The following FAM193B variants were observed in gnomAD, a reference collection of about 807,000 sequenced individuals.
FAM193B encodes protein FAM193B.
A neutral mutation model predicts 70.7 loss-of-function variants in FAM193B; 27 were observed. That is an observed-to-expected ratio of 0.38 (90% CI 0.28 to 0.53). The LOEUF is 0.53. Among genes scored for constraint, FAM193B ranks in the 20% least tolerant of loss-of-function variants. FAM193B has a pLI of 0.81. For missense variants in FAM193B, 1,022 were observed against 1,072.5 expected, an observed-to-expected ratio of 0.95 and a Z score of 0.66; for synonymous variants, 448 against 436.0, an observed-to-expected ratio of 1.03 and a Z score of -0.34.
chr5:177,543,861 A>T (rs1459341764), intron 1 of FAM193B, among the ~76,000 whole-genome samples: 1 of 152,262 alleles, frequency 6.6e-6, no homozygotes, highest in Non-Finnish European at 1.5e-5. Flanking sequence ...CTGGCACAGT[A>T]TTCCTACACA....
chr5:177,552,693 G>A (rs902468769), intron 1 of FAM193B, among the ~76,000 whole-genome samples: 1 of 152,232 alleles, frequency 6.6e-6, no homozygotes, highest in Admixed American at 6.5e-5. Flanking sequence ...GACCCAGTAG[G>A]GGTTGGGGGT....
intron 1 of FAM193B, among the ~76,000 whole-genome samples, chr5:177,549,430 T>A (rs547083371): frequency 6.6e-6 from 1 of 152,248 alleles, no homozygotes; most frequent in African/African-American, 2.4e-5. Context: ...CCTGACCTCG[T>A]GATCCTCCCG....
chr5:177,521,047 G>A (rs923661182), intron 8 of FAM193B, among the ~76,000 whole-genome samples: 5 of 152,164 alleles, frequency 3.3e-5, no homozygotes, highest in South Asian at 2.1e-4. Context: ...CTGGAAAGAG[G>A]AGAAAGACAG....
intron 3 of FAM193B, among the ~76,000 whole-genome samples, chr5:177,536,969 C>T (rs370271546): frequency 1.3e-5 from 2 of 152,212 alleles, no homozygotes; most frequent in African/African-American, 2.4e-5. Context: ...GCTGATTCCA[C>T]ACAAGGCCCC....
At chr5:177,537,558 T>C (rs191975903) in intron 3 of FAM193B, among the ~76,000 whole-genome samples, 63 of 152,312 alleles carry the variant, frequency 4.1e-4, no homozygotes, top group Non-Finnish European at 7.1e-4. Context: ...GGTCAGGTGA[T>C]CTAAGTCCTA....
intron 4 of FAM193B, among the ~76,000 whole-genome samples, chr5:177,533,077 A>G (rs141578911): frequency 2.0e-3 from 304 of 152,344 alleles, no homozygotes; most frequent in African/African-American, 7.0e-3. Context: ...CAGGTGCTCA[A>G]TAAATAGGCC....
In FAM193B at chr5:177,523,875, G is replaced by A. The variant is rs1762155677; in HGVS notation, c.2372+82C>T. 3.3e-6 allele frequency: 5 copies of A among 1,501,792 alleles called. No individual in the cohort carries two copies. In the East Asian group the frequency reaches 1.1e-4, roughly 34 times the overall value. The allele number at this position is 1,501,792 out of a possible 1,614,324, so 93.0% of individuals were successfully genotyped here. ...GGGCCAAGGGAGCAGGCCTTTCTGAGGCTTGAGGCACAACACAGGGCTTGA... is the reference window on the plus strand; with the variant it reads ...GGGCCAAGGGAGCAGGCCTTTCTGAAGCTTGAGGCACAACACAGGGCTTGA... On this transcript the variant is annotated intron_variant, in intron 7 of 8. Transcript: ENST00000514747.
chr5:177,550,657 T>C (rs1311428530), intron 1 of FAM193B, among the ~76,000 whole-genome samples: 2 of 152,104 alleles, frequency 1.3e-5, no homozygotes, highest in African/African-American at 4.8e-5. Flanking sequence ...GCTTATTGAG[T>C]GTACACTGGA....
At chr5:177,549,652 T>C (rs1272129440) in intron 1 of FAM193B, among the ~76,000 whole-genome samples, 5 of 152,262 alleles carry the variant, frequency 3.3e-5, no homozygotes, top group South Asian at 2.1e-4. Context: ...CTCTAGACTA[T>C]GAGCCCCTTG....
Position 177,532,560 on chromosome 5 carries a change from C to T in FAM193B, c.1158G>A (p.Gly386=). Residue 386 remains glycine, a synonymous_variant, in exon 5 of 9, where the codon GGG becomes GGA. Coordinates refer to ENST00000514747, the MANE Select transcript of FAM193B (RefSeq NM_001190946.3). The surrounding 1 kb of genome is among the most constrained non-coding windows in gnomAD (Gnocchi z 4.9). ...QLPQPCEADE[G]LGEEEDSSSE... ...AGCTGCTATCCTCTTCCTCACCCAG[C>T]CCCTCATCTGCCTCGCAGGGCTGGG... The T allele has an allele frequency of 6.2e-7, 1 of 1,605,118 alleles. No individual in the cohort carries two copies. The highest frequency in any genetic ancestry group is 2.2e-5 in the East Asian group (1 of 44,454).
Position 177,554,404 on chromosome 5 carries a change from G to A in FAM193B, c.55C>T (p.Arg19Trp). 2 of 1,140,190 alleles carry A rather than the reference G, an allele frequency of 1.8e-6. No individual in the cohort carries two copies. Among genetic ancestry groups the A allele is most frequent in the Non-Finnish European group, 1.1e-6 (1 of 930,554 alleles). The allele number at this position is 1,140,190 out of a possible 1,614,324, so 70.6% of individuals were successfully genotyped here. The part of the protein sequence containing the change: ...SGGAGRRERA[R>W]AAGPQKPQAP... ...TGGGGCTTCTGCGGCCCCGCGGCCC[G>A]AGCCCGCTCGCGCCTGCCCGCACCG... The change falls in exon 1 of 9, where the codon CGG (arginine) becomes TGG (tryptophan). Residue 19 changes from arginine (R) to tryptophan (W), a missense_variant. Arg to Trp is a moderately radical substitution (Grantham distance 101, BLOSUM62 -3). Coordinates refer to ENST00000514747, the MANE Select transcript of FAM193B (RefSeq NM_001190946.3).
intron 1 of FAM193B, among the ~76,000 whole-genome samples, chr5:177,552,384 A>C (rs1711556765): frequency 6.6e-6 from 1 of 152,270 alleles, no homozygotes; most frequent in Admixed American, 6.5e-5. Flanking sequence ...CAGCAGGTCA[A>C]GTAGTGGAGT....
Position 177,525,130 on chromosome 5 carries a change from G to C in FAM193B, c.1351C>G (p.Pro451Ala). ...CACTCCAAGAGCCTCTCCCTGGCAG[G>C]CCTTGGCTCCCGGCTTCCAGAAACA... ...NRVSGSREPR[P>A]ARERLLEWPD... The change falls in exon 6 of 9, where the codon CCT becomes GCT. Residue 451 changes from proline to alanine, a missense_variant. Transcript: ENST00000514747. The C allele has an allele frequency of 6.5e-7, 1 of 1,548,944 alleles. No individual in the cohort carries two copies. Among genetic ancestry groups the C allele is most frequent in the Non-Finnish European group, 8.7e-7 (1 of 1,149,260 alleles).
chr5:177,524,199 G>T lies in FAM193B; in HGVS notation c.2282C>A (p.Pro761Gln). The T allele has an allele frequency of 6.4e-7, 1 of 1,557,986 alleles. No individual in the cohort carries two copies. The highest frequency in any genetic ancestry group is 8.7e-7 in the Non-Finnish European group (1 of 1,151,736). Residue 761 changes from proline to glutamine, a missense_variant, in exon 6 of 9, where the codon CCA (proline) becomes CAA (glutamine). By Grantham distance (76) the Pro-to-Gln change is moderately conservative (BLOSUM62 -1). Coordinates refer to ENST00000514747, the MANE Select transcript of FAM193B (RefSeq NM_001190946.3). Reference sequence around the variant, plus strand: ...GGTGCACTCACCCAAGGAGGAGGCTGGCTTCTCCTGCTTGTTGCGGCTCCG... The same window carrying T: ...GGTGCACTCACCCAAGGAGGAGGCTTGCTTCTCCTGCTTGTTGCGGCTCCG... Reference protein sequence around the residue: ...SRRSRNKQEKPASSLDDVFLP... With the variant: ...SRRSRNKQEKQASSLDDVFLP...
At chr5:177,549,138 C>T (rs941564692) in intron 1 of FAM193B, among the ~76,000 whole-genome samples, 6 of 151,874 alleles carry the variant, frequency 4.0e-5, no homozygotes, top group Non-Finnish European at 8.8e-5. Flanking sequence ...TTAAGCATAC[C>T]GCACTTGTTG....
rs1268795909 is a variant in FAM193B at position 177,538,950 on chromosome 5, G to A, written c.408C>T (p.Ser136=). 2 of 1,614,044 alleles carry A rather than the reference G, an allele frequency of 1.2e-6. No individual in the cohort carries two copies. The highest frequency in any genetic ancestry group is 2.7e-5 in the African/African-American group (2 of 75,058). The part of the protein sequence containing the change: ...PLWVCQSCRK[S]MEEDERQTGR... ...CTGTCTGCCTTTCATCTTCCTCCAT[G>A]CTCTTTCGGCAACTCTGGCAGACCC... is the stretch of plus-strand genomic sequence containing the variant. Residue 136 remains serine (S), a synonymous_variant, in exon 2 of 9, where the codon AGC becomes AGT. Coordinates refer to ENST00000514747, the MANE Select transcript of FAM193B (RefSeq NM_001190946.3). This position sits in a 1 kb window ranked among gnomAD's most constrained non-coding sequence, Gnocchi z 4.1.
chr5:177,521,425 T>G (rs1761719347), intron 8 of FAM193B, among the ~76,000 whole-genome samples: 1 of 152,186 alleles, frequency 6.6e-6, no homozygotes, highest in South Asian at 2.1e-4. Flanking sequence ...GCTACCAATA[T>G]CCTCATGGAG....
intron 1 of FAM193B, among the ~76,000 whole-genome samples, chr5:177,541,711 G>A (rs1764889370): frequency 6.6e-6 from 1 of 152,186 alleles, no homozygotes; most frequent in South Asian, 2.1e-4. Context: ...GAGCCACTGT[G>A]CCCAGCCTGA....
chr5:177,551,604 C>T (rs1766255608), intron 1 of FAM193B, among the ~76,000 whole-genome samples: 1 of 152,174 alleles, frequency 6.6e-6, no homozygotes. Context: ...TAAAAAAGAG[C>T]CCCAAATCCA....
Sources: allele counts gnomAD v4.1 joint callset (sites outside exome capture counted in the v4.1 genomes callset), GRCh38; gene constraint gnomAD v4.1.1; non-coding constraint Gnocchi (gnomAD v3.1); transcripts MANE v1.5; gene names NCBI Gene and HGNC (gene_info 2026-07-23, HGNC 2026-07-21).